The following FAF1 variants were observed in gnomAD, a reference collection of about 807,000 sequenced individuals.
FAF1 encodes Fas associated factor 1.
A neutral mutation model predicts 92.5 loss-of-function variants in FAF1; 25 were observed. That is an observed-to-expected ratio of 0.27 (90% confidence interval 0.20 to 0.38). The LOEUF (loss-of-function observed/expected upper bound fraction) is 0.38. FAF1 is among the 10% of genes least tolerant of loss of function. The pLI is 1.00. For synonymous variants in FAF1, 234 were observed against 273.2 expected (o/e 0.86, Z 1.42); for missense variants, 636 against 793.3 (o/e 0.80, Z 2.38).
intron 1 of FAF1, among the ~76,000 whole-genome samples, chr1:50,948,516 T>A (rs537737281): frequency 3.3e-5 from 5 of 151,744 alleles, no homozygotes; most frequent in Non-Finnish European, 7.4e-5. Context: ...GACTCTTATT[T>A]CTTTTTCTTT....
chr1:50,945,656 G>T (rs1645167778), intron 1 of FAF1, among the ~76,000 whole-genome samples: 1 of 152,226 alleles, frequency 6.6e-6, no homozygotes, highest in African/African-American at 2.4e-5. Context: ...GAGTGATCCA[G>T]ATGGTTTGAT....
chr1:50,531,139 T>C (rs1316477452), intron 15 of FAF1, among the ~76,000 whole-genome samples: 2 of 152,204 alleles, frequency 1.3e-5, no homozygotes, highest in African/African-American at 4.8e-5. Flanking sequence ...ATTTTGCCCA[T>C]GTTCCACTAA....
intron 7 of FAF1, among the ~76,000 whole-genome samples, chr1:50,661,836 T>TA (rs767221612): frequency 1.7e-4 from 26 of 152,106 alleles, no homozygotes; most frequent in Non-Finnish European, 3.5e-4. Context: ...TCTGAACACA[T>TA]ACTTCATACC....
At chr1:50,533,220 C>T (rs1341949653) in intron 15 of FAF1, among the ~76,000 whole-genome samples, 1 of 151,832 alleles carries the variant, frequency 6.6e-6, no homozygotes, top group Non-Finnish European at 1.5e-5. Flanking sequence ...TACAGGCACG[C>T]AACACCACCC....
intron 2 of FAF1, among the ~76,000 whole-genome samples, chr1:50,842,118 G>C (rs533021762): frequency 1.7e-4 from 26 of 152,166 alleles, no homozygotes; most frequent in East Asian, 7.7e-4. Context: ...CTGTTATACT[G>C]TAAGTATATT....
chr1:50,586,034 CAG>C (rs1487158877), intron 9 of FAF1, among the ~76,000 whole-genome samples: 1 of 151,976 alleles, frequency 6.6e-6, no homozygotes, highest in Non-Finnish European at 1.5e-5. Flanking sequence ...GCCTGAGTGA[CAG>C]AGTGAGACCC....
chr1:50,799,612 G>A (rs17106369), intron 3 of FAF1, among the ~76,000 whole-genome samples: 8,297 of 152,050 alleles, frequency 0.055, 300 homozygotes, highest in African/African-American at 0.099. Context: ...TCAGTGAGGT[G>A]GGTATTTATT....
chr1:50,629,690 C>T (rs1653672785), intron 8 of FAF1, among the ~76,000 whole-genome samples: 2 of 152,170 alleles, frequency 1.3e-5, no homozygotes, highest in East Asian at 1.9e-4. Context: ...CCACCCTAAG[C>T]CTCAGTTCCT....
rs34498946 is a variant in FAF1, at chr1:50,606,489, C to CTTTT, written c.745-10277_745-10274dup. Among the ~76,000 whole-genome samples the CTTTT allele has an allele frequency of 1.2e-3, 68 of 58,554 alleles. 15 individuals are homozygous for CTTTT. The highest frequency in any genetic ancestry group is 1.7e-3 in the Non-Finnish European group (55 of 32,068). The allele number at this position is 58,554 out of a possible 152,430, so 38.4% of individuals were successfully genotyped here. On this transcript the variant is annotated intron_variant, in intron 8 of 18. Transcript: ENST00000396153. ...AGATATATTGTAGCTGTGAGAGTTG[C>CTTTT]TTTTTTTTTTTTTTTTTTTTTTTTT...
chr1:50,678,775 T>C (rs1656272799), intron 7 of FAF1, among the ~76,000 whole-genome samples: 1 of 12,696 alleles, frequency 7.9e-5, no homozygotes, highest in Non-Finnish European at 1.4e-4. Flanking sequence ...AGACTCCATC[T>C]CAAAAAAAAA....
intron 1 of FAF1, among the ~76,000 whole-genome samples, chr1:50,888,283 C>T (rs551573036): frequency 1.1e-4 from 16 of 152,258 alleles, no homozygotes; most frequent in Admixed American, 6.5e-4. Flanking sequence ...TGGGCTGAGA[C>T]GATGGGGTTT....
chr1:50,462,351 C>T (rs1218317385), intron 18 of FAF1: 1 of 152,056 alleles, frequency 6.6e-6, no homozygotes, highest in Non-Finnish European at 1.5e-5. Flanking sequence ...ATTAAGTAAC[C>T]TAAGATCACT....
chr1:50,694,085 TA>T (rs11294835), intron 7 of FAF1, among the ~76,000 whole-genome samples: 2,692 of 149,410 alleles, frequency 0.018, 78 homozygotes, highest in African/African-American at 0.063. Flanking sequence ...GACATATATA[TA>T]AAAAAAACTG....
chr1:50,764,216 A>T (rs987502712), intron 4 of FAF1, among the ~76,000 whole-genome samples: 1 of 152,172 alleles, frequency 6.6e-6, no homozygotes, highest in Admixed American at 6.5e-5. Context: ...CCTCAGTTTT[A>T]ATTACTAATA....
rs541535073 is a variant in FAF1, at chr1:50,790,117, T to C, written c.162-1912A>G. On this transcript the variant is annotated intron_variant, in intron 3 of 18. Transcript: ENST00000396153. ...ATCTATGTCTCCACTGGAATATAAG[T>C]ACCACAAGAATAAAGCTCTTATTTG... Among the ~76,000 whole-genome samples, 5 of 152,280 alleles carry C rather than the reference T, an allele frequency of 3.3e-5. No individual in the cohort carries two copies. In the East Asian group the frequency reaches 5.8e-4, roughly 18 times the overall value.
intron 1 of FAF1, among the ~76,000 whole-genome samples, chr1:50,861,809 A>C (rs2124670425): frequency 6.6e-6 from 1 of 151,984 alleles, no homozygotes; most frequent in Admixed American, 6.6e-5. Context: ...ATTAAAAAAA[A>C]AATTTCTGTC....
At chr1:50,735,729 A>G (rs1659111306) in intron 6 of FAF1, among the ~76,000 whole-genome samples, 1 of 152,050 alleles carries the variant, frequency 6.6e-6, no homozygotes, top group African/African-American at 2.4e-5. Flanking sequence ...TATTTATTTT[A>G]TTTAGAGACA....
At chr1:50,582,135 A>G (rs1651018748) in intron 12 of FAF1, among the ~76,000 whole-genome samples, 1 of 152,182 alleles carries the variant, frequency 6.6e-6, no homozygotes, top group African/African-American at 2.4e-5. Flanking sequence ...ATTTTGGGAA[A>G]AGACTAAAGA....
In FAF1 at chr1:50,866,423, T is replaced by C. The variant is rs117620032; in HGVS notation, c.46-8426A>G. On this transcript the variant is annotated intron_variant, in intron 1 of 18. Transcript: ENST00000396153. ...CTGTTGATGTTTGCCGATGATATAA[T>C]TGTATACCTAGGAAACACTAAAGAC... Among the ~76,000 whole-genome samples, 290 of 152,130 alleles carry C rather than the reference T, an allele frequency of 1.9e-3. 5 individuals carry two copies. In the East Asian group the frequency reaches 0.042, roughly 22 times the overall value.
Sources: allele counts gnomAD v4.1 joint callset (sites outside exome capture counted in the v4.1 genomes callset), GRCh38; gene constraint gnomAD v4.1.1; transcripts MANE v1.5; gene names NCBI Gene and HGNC (gene_info 2026-07-23, HGNC 2026-07-21).